CARMIL1: variants seen among roughly 807,000 people sequenced by gnomAD.
The protein encoded by CARMIL1 is F-actin-uncapping protein LRRC16A.
In CARMIL1, 90 loss-of-function variants were observed where a neutral mutation model predicts 177.1. The ratio of observed to expected loss-of-function variants is 0.51; its 90% CI spans 0.43 to 0.61. The LOEUF (loss-of-function observed/expected upper bound fraction) is 0.61, where lower values mean the gene tolerates loss of function less well. Among genes scored for constraint, CARMIL1 ranks in the 20% least tolerant of loss-of-function variants. The pLI is 0.00. For synonymous variants in CARMIL1, 577 were observed against 606.2 expected (o/e 0.95, Z 0.71); for missense variants, 1,380 against 1,667.0 (o/e 0.83, Z 3.00).
chr6:25,517,487 G>T (rs538432135), intron 22 of CARMIL1, 72 bp downstream of exon 22: 1 of 1,180,062 alleles, frequency 8.5e-7, no homozygotes, highest in Non-Finnish European at 1.2e-6. Context: ...GTTACCTGTT[G>T]GGTAATAGAA....
At chr6:25,282,518 A>C (rs901855776) in intron 1 of CARMIL1, among the ~76,000 whole-genome samples, 3 of 151,812 alleles carry the variant, frequency 2.0e-5, no homozygotes, top group East Asian at 3.9e-4. Flanking sequence ...CCCCGTTTTC[A>C]CTCTTTATCT....
intron 9 of CARMIL1, among the ~76,000 whole-genome samples, chr6:25,467,765 G>C (rs1238336216): frequency 5.9e-5 from 9 of 152,102 alleles, no homozygotes; most frequent in Admixed American, 5.9e-4. Context: ...TGTTAACTGA[G>C]ATTTAAACAC....
At chr6:25,366,423 C>T (rs147635865) in intron 2 of CARMIL1, among the ~76,000 whole-genome samples, 37 of 152,020 alleles carry the variant, frequency 2.4e-4, no homozygotes, top group African/African-American at 8.7e-4. Flanking sequence ...TGTGTCTGTG[C>T]CTGACATTTA....
At chr6:25,412,698 C>G (rs1795021245) in intron 2 of CARMIL1, among the ~76,000 whole-genome samples, 1 of 149,100 alleles carries the variant, frequency 6.7e-6, no homozygotes, top group Non-Finnish European at 1.5e-5. Context: ...AATTTATTCT[C>G]TAAACCACTA....
At chr6:25,602,892 T>G (rs1456853969) in intron 33 of CARMIL1, among the ~76,000 whole-genome samples, 2 of 152,206 alleles carry the variant, frequency 1.3e-5, no homozygotes, top group African/African-American at 4.8e-5. Flanking sequence ...ATATGACACT[T>G]TTCATTTATT....
chr6:25,392,061 TG>T (rs1306095062), intron 2 of CARMIL1, among the ~76,000 whole-genome samples: 176 of 16,640 alleles, frequency 0.011, no homozygotes, highest in Non-Finnish European at 0.011. Context: ...TGCATGTGTG[TG>T]TGTGTGTGTG....
intron 2 of CARMIL1, among the ~76,000 whole-genome samples, chr6:25,315,223 A>G (rs1411089787): frequency 1.3e-5 from 2 of 152,320 alleles, no homozygotes; most frequent in Non-Finnish European, 2.9e-5. Context: ...TTTCCATTGC[A>G]TTAAGGAAAA....
intron 29 of CARMIL1, among the ~76,000 whole-genome samples, chr6:25,557,568 ATATGTT>A (rs1358903571): frequency 6.6e-6 from 1 of 152,130 alleles, no homozygotes; most frequent in Non-Finnish European, 1.5e-5. Context: ...TCTGTATTCA[ATATGTT>A]TATGTCTTAC....
chr6:25,348,233 A>G (rs1483450846), intron 2 of CARMIL1, among the ~76,000 whole-genome samples: 2 of 152,048 alleles, frequency 1.3e-5, no homozygotes, highest in Middle Eastern at 3.4e-3. Flanking sequence ...CCCGGGTTCA[A>G]TCGATTCTCC....
At chr6:25,426,458 C>A in intron 3 of CARMIL1, 43 bp from the exon 4 acceptor site, 6 of 1,422,466 alleles carry the variant, frequency 4.2e-6, no homozygotes, top group Non-Finnish European at 5.9e-6. Flanking sequence ...TTTTAAAACC[C>A]TCATTGCAGG....
intron 31 of CARMIL1, among the ~76,000 whole-genome samples, chr6:25,593,495 A>T (rs1400335697): frequency 6.6e-6 from 1 of 152,166 alleles, no homozygotes; most frequent in African/African-American, 2.4e-5. Context: ...ATTCAACTGG[A>T]TATTATGAAA....
chr6:25,550,982 C>G lies in CARMIL1; in HGVS notation c.2401C>G (p.Gln801Glu), dbSNP rs1213096735. 1 of 1,613,570 alleles carries G rather than the reference C, an allele frequency of 6.2e-7. No individual in the cohort carries two copies. The highest frequency in any genetic ancestry group is 8.5e-7 in the Non-Finnish European group (1 of 1,179,594). ...TGTGATGAAAAAAGCCCACATTCGA[C>G]AAGACTTGATTCATGCCAGCACCGA... ...PNVMKKAHIR[Q>E]DLIHASTEKI... The change falls in exon 27 of 37, where the codon CAA (glutamine) becomes GAA (glutamate). Residue 801 changes from glutamine (Q) to glutamate (E), a missense_variant. Physicochemically the swap from Gln to Glu is conservative, Grantham distance 29. Coordinates refer to ENST00000329474, the MANE Select transcript of CARMIL1 (RefSeq NM_017640.6).
chr6:25,382,861 C>T (rs1791708322), intron 2 of CARMIL1, among the ~76,000 whole-genome samples: 2 of 152,202 alleles, frequency 1.3e-5, no homozygotes, highest in Non-Finnish European at 2.9e-5. Flanking sequence ...GCTGGCTTCA[C>T]CTCTCACAAG....
At chr6:25,438,225 C>T (rs1298830416) in intron 5 of CARMIL1, among the ~76,000 whole-genome samples, 4 of 152,180 alleles carry the variant, frequency 2.6e-5, no homozygotes, top group Non-Finnish European at 5.9e-5. Context: ...TGCACTAGTA[C>T]ACATCATACT....
intron 2 of CARMIL1, among the ~76,000 whole-genome samples, chr6:25,364,572 C>CTTTTTTTTTTTTTTTTTTTTTTTTTTTT (rs199573991): frequency 6.6e-6 from 1 of 150,470 alleles, no homozygotes; most frequent in Non-Finnish European, 1.5e-5. Flanking sequence ...TCTTTTTCTT[C>CTTTTTTTTTTTTTTTTTTTTTTTTTTTT]TTTTTTTTGA....
chr6:25,409,709 G>A (rs543678043), intron 2 of CARMIL1, among the ~76,000 whole-genome samples: 3 of 152,100 alleles, frequency 2.0e-5, no homozygotes, highest in African/African-American at 4.8e-5. Context: ...TATTGATTTC[G>A]AGAATTGTGC....
chr6:25,431,263 AGT>A (rs71717418), intron 4 of CARMIL1, among the ~76,000 whole-genome samples: 56,105 of 148,644 alleles, frequency 0.38, 10,403 homozygotes, highest in East Asian at 0.56. Flanking sequence ...CTACAAAGAA[AGT>A]GTGTGTGTGT....
chr6:25,586,379 C>G (rs977398407), intron 31 of CARMIL1, among the ~76,000 whole-genome samples: 29 of 149,790 alleles, frequency 1.9e-4, no homozygotes, highest in Non-Finnish European at 3.7e-4. Context: ...AGAGGCACTC[C>G]CCACATCTCA....
rs545324696 is a variant in CARMIL1, at chr6:25,530,813, C to T, written c.2067+1920C>T. Among the ~76,000 whole-genome samples, 281 of 152,148 alleles carry T rather than the reference C, an allele frequency of 1.8e-3. 2 individuals carry two copies. Among genetic ancestry groups the T allele is most frequent in the African/African-American group, 6.7e-3 (277 of 41,530 alleles). The stretch of plus-strand genomic sequence containing the variant: ...AAGCTGAGAGAAAGTTTTTAAAAAT[C>T]GCTGCTTTGGGAAAATCTACTTTAA... On this transcript the variant is annotated intron_variant, in intron 24 of 36. Transcript: ENST00000329474.
Sources: allele counts gnomAD v4.1 joint callset (sites outside exome capture counted in the v4.1 genomes callset), GRCh38; gene constraint gnomAD v4.1.1; transcripts MANE v1.5; gene names NCBI Gene and HGNC (gene_info 2026-07-23, HGNC 2026-07-21).